RBFOX1: variants seen among roughly 807,000 people sequenced by gnomAD.
The protein encoded by RBFOX1 is RNA binding protein fox-1 homolog 1.
RBFOX1 carries 8 observed loss-of-function variants against 57.7 expected under a neutral mutation model. The ratio of observed to expected loss-of-function variants is 0.14; its 90% CI spans 0.08 to 0.25. The LOEUF (loss-of-function observed/expected upper bound fraction) is 0.25, where lower values mean the gene tolerates loss of function less well. RBFOX1 is among the 10% of genes least tolerant of loss of function. The probability of loss-of-function intolerance (pLI) is 1.00; values close to 1 mark genes in which losing one functional copy is unlikely to be tolerated. For missense variants in RBFOX1, 611 were observed against 548.5 expected (o/e 1.11, Z -1.14); for synonymous variants, 326 against 222.4 (o/e 1.47, Z -4.15).
At chr16:7,694,247 C>T (rs543922129) in intron 14 of RBFOX1, among the ~76,000 whole-genome samples, 2 of 152,302 alleles carry the variant, frequency 1.3e-5, no homozygotes, top group East Asian at 3.9e-4. Flanking sequence ...CATAACTGAG[C>T]ATCCCATGAC....
intron 2 of RBFOX1, among the ~76,000 whole-genome samples, chr16:6,518,032 C>T (rs921832131): frequency 1.3e-5 from 2 of 152,106 alleles, no homozygotes; most frequent in African/African-American, 4.8e-5. Flanking sequence ...CTCTGAAGTT[C>T]TTGTCTGTCT....
intron 11 of RBFOX1, among the ~76,000 whole-genome samples, chr16:7,652,622 G>T (rs1006599505): frequency 1.2e-4 from 19 of 152,108 alleles, no homozygotes; most frequent in African/African-American, 4.6e-4. Flanking sequence ...TGGCCAGGCT[G>T]GTCTCGAACT....
chr16:7,106,441 A>G (rs1280248335), intron 4 of RBFOX1, among the ~76,000 whole-genome samples: 1 of 151,734 alleles, frequency 6.6e-6, no homozygotes, highest in East Asian at 1.9e-4. Flanking sequence ...CAGAGAAAGA[A>G]AAAAACACCC....
In RBFOX1 at chr16:7,437,218, A is replaced by G. The variant is rs771698113; in HGVS notation, c.28-80929A>G. ...GTTCACAATCACAAACAAACATACT[A>G]TCCTCAACTGTGCTAGAATTAAATT... On this transcript the variant is annotated intron_variant, in intron 4 of 15. Transcript: ENST00000550418. 4.0e-5 allele frequency among the ~76,000 whole-genome samples: 6 copies of G among 151,584 alleles called. No individual in the cohort carries two copies. The East Asian group carries it at 5.9e-4, about 15-fold the overall frequency.
chr16:6,137,003 C>A (rs1399012120), intron 1 of RBFOX1, among the ~76,000 whole-genome samples: 1 of 152,166 alleles, frequency 6.6e-6, no homozygotes, highest in African/African-American at 2.4e-5. Flanking sequence ...TATCACCCCT[C>A]CACCGCTGGA....
At chr16:5,298,100 A>G (rs1394140971) in intron 1 of RBFOX1, among the ~76,000 whole-genome samples, 1 of 152,192 alleles carries the variant, frequency 6.6e-6, no homozygotes, top group Non-Finnish European at 1.5e-5. Flanking sequence ...AAGATGTGAT[A>G]ACCTGCTCTT....
At chr16:7,068,261 C>G (rs932895607) in intron 4 of RBFOX1, among the ~76,000 whole-genome samples, 3 of 152,168 alleles carry the variant, frequency 2.0e-5, no homozygotes, top group Admixed American at 6.5e-5. Flanking sequence ...TCATGCCACA[C>G]TAGTTATGTA....
chr16:6,084,910 T>C (rs1567417393), intron 1 of RBFOX1, among the ~76,000 whole-genome samples: 1 of 152,214 alleles, frequency 6.6e-6, no homozygotes, highest in South Asian at 2.1e-4. Flanking sequence ...TCTGAGATGA[T>C]ATCTCAGTTT....
intron 3 of RBFOX1, among the ~76,000 whole-genome samples, chr16:5,724,770 C>T (rs866658700): frequency 6.6e-6 from 1 of 152,154 alleles, no homozygotes; most frequent in South Asian, 2.1e-4. Flanking sequence ...TGGCACCATA[C>T]TGGGTGCTTA....
intron 4 of RBFOX1, among the ~76,000 whole-genome samples, chr16:7,318,540 T>C (rs1188688585): frequency 6.6e-6 from 1 of 152,188 alleles, no homozygotes; most frequent in African/African-American, 2.4e-5. Context: ...ATCTGTGAGA[T>C]GGGGATGGTG....
At chr16:6,646,717 G>C (rs2154078890) in intron 2 of RBFOX1, among the ~76,000 whole-genome samples, 1 of 152,156 alleles carries the variant, frequency 6.6e-6, no homozygotes, top group South Asian at 2.1e-4. Context: ...GTATTTTCTA[G>C]GTTTAAAAGT....
At chr16:6,077,603 C>T (rs1435863683) in intron 1 of RBFOX1, among the ~76,000 whole-genome samples, 1 of 152,144 alleles carries the variant, frequency 6.6e-6, no homozygotes, top group Non-Finnish European at 1.5e-5. Flanking sequence ...ATATACTTTG[C>T]AACTACATGG....
intron 1 of RBFOX1, among the ~76,000 whole-genome samples, chr16:5,327,712 C>T (rs573010227): frequency 4.6e-5 from 7 of 152,330 alleles, no homozygotes; most frequent in African/African-American, 1.4e-4. Context: ...TCCCTGGCCT[C>T]AGCAGTGAGC....
chr16:5,467,656 A>G (rs1030743730), intron 2 of RBFOX1, among the ~76,000 whole-genome samples: 1 of 152,184 alleles, frequency 6.6e-6, no homozygotes, highest in Admixed American at 6.5e-5. Context: ...TGGCCATGTA[A>G]GAATATAATT....
intron 2 of RBFOX1, among the ~76,000 whole-genome samples, chr16:6,527,694 G>A (rs751537172): frequency 6.6e-6 from 1 of 151,868 alleles, no homozygotes; most frequent in Admixed American, 6.6e-5. Flanking sequence ...GAGAGCCTGT[G>A]GTTTATCCTC....
In RBFOX1 at chr16:7,663,294, C is replaced by T. The variant is rs529695153; in HGVS notation, c.891-1635C>T. On this transcript the variant is annotated intron_variant, in intron 12 of 15. Transcript: ENST00000550418. ...TTAGGGCTTTATGCCACTTCACAAG[C>T]GCTCTTGTGAACTGTAGCCCTCCCG... Among the ~76,000 whole-genome samples, 35 of 152,306 alleles carry T rather than the reference C, an allele frequency of 2.3e-4. No homozygotes were observed. In the East Asian group the frequency reaches 3.5e-3, roughly 15 times the overall value.
At chr16:5,854,481 C>T (rs548852444) in intron 3 of RBFOX1, among the ~76,000 whole-genome samples, 18 of 152,236 alleles carry the variant, frequency 1.2e-4, no homozygotes, top group Middle Eastern at 3.4e-3. Flanking sequence ...TGTCCTCCAG[C>T]TTCCTCCATG....
chr16:6,879,401 C>G (rs553131059), intron 3 of RBFOX1, among the ~76,000 whole-genome samples: 2 of 152,268 alleles, frequency 1.3e-5, no homozygotes, highest in South Asian at 2.1e-4. Context: ...ATTGGATGCT[C>G]TGGTATGTAA....
intron 3 of RBFOX1, among the ~76,000 whole-genome samples, chr16:6,901,511 C>G (rs1268092481): frequency 6.6e-6 from 1 of 152,144 alleles, no homozygotes; most frequent in African/African-American, 2.4e-5. Flanking sequence ...GGAATGACAG[C>G]AAGTTCATGT....
Sources: gnomAD v4.1 joint callset for allele counts (sites outside exome capture counted in the v4.1 genomes callset) on GRCh38, gnomAD v4.1.1 for gene constraint, MANE v1.5 for transcripts, NCBI Gene and HGNC (gene_info 2026-07-23, HGNC 2026-07-21) for gene names.